The following SGTB variants were observed in gnomAD, a reference collection of about 807,000 sequenced individuals.
The protein encoded by SGTB is small glutamine-rich tetratricopeptide repeat-containing protein beta.
Under a neutral mutation model 43.9 loss-of-function variants are expected in SGTB, and 19 were observed. The ratio of observed to expected loss-of-function variants is 0.43; its 90% confidence interval spans 0.30 to 0.63. SGTB has a LOEUF of 0.63. SGTB is among the 30% of genes least tolerant of loss of function. The pLI is 0.12. For synonymous variants in SGTB, 116 were observed against 117.3 expected (o/e 0.99, Z 0.07); for missense variants, 304 against 358.9 (o/e 0.85, Z 1.24).
intron 2 of SGTB, among the ~76,000 whole-genome samples, chr5:65,715,399 A>G (rs1758128695): frequency 6.6e-6 from 1 of 152,236 alleles, no homozygotes; most frequent in Non-Finnish European, 1.5e-5. Context: ...CACTTAATTC[A>G]AAAGTTTTCA....
rs955487779 is a variant in SGTB, at chr5:65,666,323, C to T, written c.*3923G>A. The T allele has an allele frequency of 6.6e-6, 1 of 151,974 alleles. No individual in the cohort carries two copies. The highest frequency in any genetic ancestry group is 2.4e-5 in the African/African-American group (1 of 41,396). 9.4% of individuals were successfully genotyped at this position (151,974 alleles called of 1,614,324 possible). ...AGTTTTAAGTAAAGATTAAATAATG[C>T]CATCTTAGAAAGGATCTGTTTAACC... On this transcript the variant is annotated 3_prime_UTR_variant, in exon 11 of 11. Coordinates refer to ENST00000381007, the MANE Select transcript of SGTB (RefSeq NM_019072.3).
chr5:65,698,673 TCAAA>T (rs1447735019), intron 5 of SGTB, among the ~76,000 whole-genome samples: 3 of 151,962 alleles, frequency 2.0e-5, no homozygotes, highest in African/African-American at 7.2e-5. Flanking sequence ...TACAAGAAAC[TCAAA>T]CAAATCGGCA....
intron 2 of SGTB, among the ~76,000 whole-genome samples, chr5:65,718,097 A>C (rs993191215): frequency 6.6e-6 from 1 of 152,214 alleles, no homozygotes; most frequent in Admixed American, 6.5e-5. Flanking sequence ...AATAGTGGTC[A>C]GGAAGTGAAA....
chr5:65,676,390 C>A (rs1157899076), intron 8 of SGTB, among the ~76,000 whole-genome samples: 1 of 151,806 alleles, frequency 6.6e-6, no homozygotes, highest in Non-Finnish European at 1.5e-5. Flanking sequence ...GAGCTAACTA[C>A]CTTAAATATA....
Position 65,667,360 on chromosome 5 carries a change from T to C in SGTB, c.*2886A>G, listed in dbSNP as rs1208307463. 6.6e-6 allele frequency: 1 copy of C among 152,236 alleles called. No homozygotes were observed. The highest frequency in any genetic ancestry group is 1.5e-5 in the Non-Finnish European group (1 of 68,034). 9.4% of individuals were successfully genotyped at this position (152,236 alleles called of 1,614,324 possible). The stretch of plus-strand genomic sequence containing the variant: ...ATTTTTAATGCACTCAAGATAGTTA[T>C]GCTAGAAACTTTAACTTCTTATTCA... On this transcript the variant is annotated 3_prime_UTR_variant, in exon 11 of 11. Coordinates refer to ENST00000381007, the MANE Select transcript of SGTB (RefSeq NM_019072.3).
At chr5:65,695,265 AATAAG>A (rs1757696687) in intron 5 of SGTB, among the ~76,000 whole-genome samples, 1 of 152,218 alleles carries the variant, frequency 6.6e-6, no homozygotes, top group East Asian at 1.9e-4. Flanking sequence ...AGATTCTGAC[AATAAG>A]ATAAGAAATA....
intron 6 of SGTB, among the ~76,000 whole-genome samples, chr5:65,682,413 T>G (rs936578213): frequency 3.3e-5 from 5 of 152,174 alleles, no homozygotes; most frequent in African/African-American, 1.2e-4. Flanking sequence ...ACGTAGAGGA[T>G]CTACATGGGC....
At chr5:65,714,612 C>G (rs1051439991) in intron 2 of SGTB, among the ~76,000 whole-genome samples, 4 of 152,080 alleles carry the variant, frequency 2.6e-5, no homozygotes, top group African/African-American at 7.2e-5. Flanking sequence ...GTCAGGAGTT[C>G]AAGACCAGCC....
upstream of SGTB, chr5:65,722,562 CTG>C: frequency 1.4e-6 from 1 of 700,910 alleles, no homozygotes; most frequent in Non-Finnish European, 2.2e-6. Flanking sequence ...AGGTGGACCC[CTG>C]GGGGACACCT....
chr5:65,712,435 CTT>C (rs1368717509), intron 3 of SGTB, among the ~76,000 whole-genome samples: 3 of 152,194 alleles, frequency 2.0e-5, no homozygotes, highest in Non-Finnish European at 4.4e-5. Flanking sequence ...GATCAGAAAA[CTT>C]GGATTTCAGT....
chr5:65,706,989 G>A (rs569134530), intron 4 of SGTB, among the ~76,000 whole-genome samples: 2 of 152,192 alleles, frequency 1.3e-5, no homozygotes, highest in South Asian at 2.1e-4. Context: ...GGCCAGGCGT[G>A]GTGGCTCAAG....
intron 4 of SGTB, among the ~76,000 whole-genome samples, chr5:65,707,435 C>CACACACACACAT (rs1285224243): frequency 1.4e-5 from 2 of 141,016 alleles, no homozygotes; most frequent in African/African-American, 5.5e-5. Context: ...CACACACACA[C>CACACACACACAT]ATATATTTTT....
intron 2 of SGTB, among the ~76,000 whole-genome samples, chr5:65,716,343 A>C (rs1758149508): frequency 6.6e-6 from 1 of 152,260 alleles, no homozygotes; most frequent in Non-Finnish European, 1.5e-5. Flanking sequence ...TGTTTTGAGT[A>C]GATAAATGAT....
chr5:65,704,217 C>T (rs1183213946), intron 5 of SGTB, 62 bp downstream of exon 5: 3 of 1,181,272 alleles, frequency 2.5e-6, no homozygotes, highest in Non-Finnish European at 3.5e-6. Flanking sequence ...TTGCATTTTC[C>T]TTCAGAGCTA....
At chr5:65,694,983 G>A (rs889240483) in intron 5 of SGTB, among the ~76,000 whole-genome samples, 3 of 152,158 alleles carry the variant, frequency 2.0e-5, no homozygotes, top group Non-Finnish European at 2.9e-5. Context: ...AAGATCTTAT[G>A]CGTCATGTTG....
intron 3 of SGTB, among the ~76,000 whole-genome samples, chr5:65,711,025 C>T (rs568101712): frequency 6.7e-6 from 1 of 148,314 alleles, no homozygotes; most frequent in Non-Finnish European, 1.5e-5. Flanking sequence ...AATAGCCAGG[C>T]GTGGTGGCAC....
intron 2 of SGTB, among the ~76,000 whole-genome samples, chr5:65,713,766 G>A (rs1579886966): frequency 2.0e-5 from 3 of 152,260 alleles, no homozygotes; most frequent in East Asian, 1.9e-4. Context: ...GGTGGGTTAC[G>A]CCTGTAATCC....
intron 8 of SGTB, among the ~76,000 whole-genome samples, chr5:65,674,681 G>C (rs759373565): frequency 6.6e-6 from 1 of 152,070 alleles, no homozygotes; most frequent in Non-Finnish European, 1.5e-5. Context: ...CCCATCTTTT[G>C]CAACTCCTAC....
At chr5:65,712,283 AAAAG>A (rs1188716400) in intron 3 of SGTB, among the ~76,000 whole-genome samples, 1 of 152,170 alleles carries the variant, frequency 6.6e-6, no homozygotes, top group African/African-American at 2.4e-5. Flanking sequence ...AGAAAAAAAG[AAAAG>A]AAAGAAACAA....
Sources: gnomAD v4.1 joint callset for allele counts (sites outside exome capture counted in the v4.1 genomes callset) on GRCh38, gnomAD v4.1.1 for gene constraint, MANE v1.5 for transcripts, NCBI Gene and HGNC (gene_info 2026-07-23, HGNC 2026-07-21) for gene names.